Variants in PTRH1 observed in about 807,000 individuals in gnomAD.
PTRH1 encodes peptidyl-tRNA hydrolase.
A neutral mutation model predicts 15.7 loss-of-function variants in PTRH1; 13 were observed. That is an observed-to-expected ratio of 0.83 (90% CI 0.54 to 1.31). The LOEUF (loss-of-function observed/expected upper bound fraction) is 1.31, where lower values mean the gene tolerates loss of function less well. PTRH1 is among the 40% of genes most tolerant of loss of function. The pLI is 0.00. For synonymous variants in PTRH1, 139 were observed against 136.7 expected (o/e 1.02, Z -0.12); for missense variants, 319 against 296.2 (o/e 1.08, Z -0.56).
In PTRH1 at chr9:127,713,994, G is replaced by A. The variant is rs950241233; in HGVS notation, c.*106C>T. The A allele has an allele frequency of 1.3e-6, 2 of 1,577,572 alleles. No homozygotes were observed. Among genetic ancestry groups the A allele is most frequent in the Admixed American group, 1.7e-5 (1 of 59,542 alleles). On this transcript the variant is annotated 3_prime_UTR_variant, in exon 5 of 5. Coordinates refer to ENST00000543175, the MANE Select transcript of PTRH1 (RefSeq NM_001002913.3). ...TCCGCAGGCAGCCTGGAACAGTCTA[G>A]AGGAGATTTGTATAAAAAGTAGATA...
chr9:127,712,604 G>C, downstream of PTRH1: 1 of 1,593,804 alleles, frequency 6.3e-7, no homozygotes, highest in East Asian at 2.3e-5. Flanking sequence ...TCCCACCACA[G>C]ACAGGGAAAA....
chr9:127,713,303 G>A (rs1446632520), downstream of PTRH1: 38 of 942,896 alleles, frequency 4.0e-5, no homozygotes, highest in Non-Finnish European at 4.4e-5. Context: ...CCCTGGGGAT[G>A]TAACCAGATC....
downstream of PTRH1, chr9:127,712,777 G>A (rs777965475): frequency 6.2e-7 from 1 of 1,614,186 alleles, no homozygotes; most frequent in Admixed American, 1.7e-5. Flanking sequence ...AGATGCTGCA[G>A]CAACTGCTGG....
At chr9:127,697,462 C>T (rs1303182232) in intron 1 of PTRH1, among the ~76,000 whole-genome samples, 1 of 152,146 alleles carries the variant, frequency 6.6e-6, no homozygotes, top group African/African-American at 2.4e-5. Context: ...GAGTTCAAGA[C>T]CAGCCTGGCC....
chr9:127,696,823 T>C (rs892313965), intron 1 of PTRH1, among the ~76,000 whole-genome samples: 2 of 151,948 alleles, frequency 1.3e-5, no homozygotes, highest in African/African-American at 4.8e-5. Flanking sequence ...GATTGTGCCA[T>C]TCATTGCACT....
chr9:127,713,340 G>A (rs887544483), downstream of PTRH1: 4 of 715,946 alleles, frequency 5.6e-6, no homozygotes, highest in African/African-American at 5.4e-5. Context: ...TCTGTAAAAT[G>A]GGCTGAAGAA....
intron 1 of PTRH1, chr9:127,695,526 C>T (rs760609132): frequency 1.1e-5 from 2 of 184,872 alleles, no homozygotes; most frequent in Non-Finnish European, 2.2e-5. Context: ...ACTCCCTAAG[C>T]GCAGTTTTCT....
chr9:127,706,608 C>A (rs566774549), intron 1 of PTRH1, among the ~76,000 whole-genome samples: 2 of 152,218 alleles, frequency 1.3e-5, no homozygotes, highest in African/African-American at 2.4e-5. Flanking sequence ...CCCCAATGCA[C>A]CCATGCCAGG....
At chr9:127,709,415 G>T, downstream of PTRH1, 1 of 1,612,248 alleles carries the variant, frequency 6.2e-7, no homozygotes, top group Non-Finnish European at 8.5e-7. This position sits in a 1 kb window ranked among gnomAD's most constrained non-coding sequence, Gnocchi z 4.7. Context: ...CTCTGCCCCT[G>T]CCCCAGGTAC....
At chr9:127,704,693 A>G (rs1842629617) in intron 1 of PTRH1, among the ~76,000 whole-genome samples, 1 of 152,106 alleles carries the variant, frequency 6.6e-6, no homozygotes, top group South Asian at 2.1e-4. Context: ...TGATGAGGAA[A>G]GACCAGAGAC....
chr9:127,709,823 C>A, downstream of PTRH1: 1 of 1,075,842 alleles, frequency 9.3e-7, no homozygotes, highest in Non-Finnish European at 1.3e-6. This position sits in a 1 kb window ranked among gnomAD's most constrained non-coding sequence, Gnocchi z 4.7. Flanking sequence ...TTAATTGTCC[C>A]AGCAATCCTA....
Position 127,715,260 on chromosome 9 carries a change from G to T in PTRH1, c.97-66C>A. ...GCCACCCCCGATCTCACAGCGTCCC[G>T]TGGGCCCCAACGCAGAGGAGCGGAA... On this transcript the variant is annotated intron_variant, in intron 1 of 4. Transcript: ENST00000543175. This position sits in a 1 kb window ranked among gnomAD's most constrained non-coding sequence, Gnocchi z 5.8. 1 of 1,481,090 alleles carries T rather than the reference G, an allele frequency of 6.8e-7. No homozygotes were observed. The highest frequency in any genetic ancestry group is 9.1e-7 in the Non-Finnish European group (1 of 1,097,152). The allele number at this position is 1,481,090 out of a possible 1,614,324, so 91.7% of individuals were successfully genotyped here.
chr9:127,707,252 C>T (rs1842667441), intron 1 of PTRH1: 2 of 1,573,326 alleles, frequency 1.3e-6, no homozygotes, highest in East Asian at 4.5e-5. Flanking sequence ...GCCCAGGTGG[C>T]CCCCATGCAG....
Position 127,714,719 on chromosome 9 carries a change from G to A in PTRH1, c.317-17C>T, listed in dbSNP as rs375099713. ...ACAGCTCCGCTTAGCACAGGGAAAC[G>A]GCAGCCCTGGTTACTGCCCATCTGC... On this transcript the variant is annotated splice_polypyrimidine_tract_variant and intron_variant, in intron 2 of 4. Transcript: ENST00000543175. 35 of 1,596,286 alleles carry A rather than the reference G, an allele frequency of 2.2e-5. No individual in the cohort carries two copies. The highest frequency in any genetic ancestry group is 2.6e-5 in the Non-Finnish European group (30 of 1,169,452).
chr9:127,699,502 G>A (rs1290963811), intron 1 of PTRH1, among the ~76,000 whole-genome samples: 1 of 152,228 alleles, frequency 6.6e-6, no homozygotes, highest in African/African-American at 2.4e-5. Flanking sequence ...TGGAGGCGGG[G>A]GTTCCTGGAG....
chr9:127,714,344 C>A lies in PTRH1; in HGVS notation c.462+35G>T, dbSNP rs747365184. ...GAGGTGCTGGGGGACCCCTGGCCCA[C>A]CCGACCCAGTTGCACAACAAAAGGG... On this transcript the variant is annotated intron_variant, in intron 4 of 4. Transcript: ENST00000543175. 5.8e-5 allele frequency: 93 copies of A among 1,614,036 alleles called. No individual in the cohort carries two copies. In the Admixed American group the frequency reaches 1.4e-3, roughly 25 times the overall value.
At chr9:127,709,701 G>C (rs1340536176), downstream of PTRH1, 2 of 1,610,796 alleles carry the variant, frequency 1.2e-6, no homozygotes, top group Non-Finnish European at 1.7e-6. The surrounding 1 kb of genome is among the most constrained non-coding windows in gnomAD (Gnocchi z 4.7). Context: ...TTGGTGAGGA[G>C]GGGACTGGCT....
At chr9:127,700,128 T>C (rs1405241324) in intron 1 of PTRH1, among the ~76,000 whole-genome samples, 4 of 152,142 alleles carry the variant, frequency 2.6e-5, no homozygotes, top group Non-Finnish European at 4.4e-5. Flanking sequence ...AACCTGCGCT[T>C]CTGCTGCTGA....
rs533098154 is a variant in PTRH1, at chr9:127,695,902, G to A, written c.206-761C>T. ...ATGCATGGGAATGACAAATACCAAA[G>A]TCAGGATAGTGACTGGCCATGGGGA... On this transcript the variant is annotated intron_variant, in intron 1 of 2. Coordinates refer to the PTRH1 transcript ENST00000335223. The A allele has an allele frequency of 4.6e-5, 7 of 152,296 alleles. No homozygotes were observed. The East Asian group carries it at 1.3e-3, about 29-fold the overall frequency. The allele number at this position is 152,296 out of a possible 1,614,324, so 9.4% of individuals were successfully genotyped here.
Sources: allele counts gnomAD v4.1 joint callset (sites outside exome capture counted in the v4.1 genomes callset), GRCh38; gene constraint gnomAD v4.1.1; non-coding constraint Gnocchi (gnomAD v3.1); transcripts MANE v1.5; gene names NCBI Gene and HGNC (gene_info 2026-07-23, HGNC 2026-07-21).